MRPL1: variants seen among roughly 807,000 people sequenced by gnomAD.
MRPL1 encodes mitochondrial ribosomal protein L1.
Under a neutral mutation model 38.0 loss-of-function variants are expected in MRPL1, and 28 were observed. The ratio of observed to expected loss-of-function variants is 0.74; its 90% CI spans 0.55 to 1.01. The LOEUF is 1.01. Ranked by LOEUF, MRPL1 falls within the 50% of genes least tolerant of loss-of-function variation. The pLI is 0.00. For missense variants in MRPL1, 358 were observed against 389.8 expected, an observed-to-expected ratio of 0.92 and a Z score of 0.69; for synonymous variants, 123 against 126.7, an observed-to-expected ratio of 0.97 and a Z score of 0.20.
At chr4:77,901,140 A>G (rs944085539) in intron 6 of MRPL1, among the ~76,000 whole-genome samples, 8 of 152,172 alleles carry the variant, frequency 5.3e-5, no homozygotes, top group Non-Finnish European at 1.2e-4. Flanking sequence ...TCAAGGAGGT[A>G]GATAAGCTGG....
At position 77,894,685 on chromosome 4, in the gene MRPL1, T is replaced by G. The variant is rs75118565; in HGVS notation, c.670+435T>G. Among the ~76,000 whole-genome samples the G allele has an allele frequency of 1.2e-3, 187 of 152,180 alleles. 1 individual carries two copies. The East Asian group carries it at 0.031, about 25-fold the overall frequency. On this transcript the variant is annotated intron_variant, in intron 6 of 8. Coordinates refer to ENST00000315567, the MANE Select transcript of MRPL1 (RefSeq NM_020236.4). The stretch of plus-strand genomic sequence containing the variant: ...TTAAGAAATTTTCCCCTTATGGATA[T>G]TTTCTCCTTAAGAAATCTAATAAGA...
chr4:77,950,343 G>C (rs1263529944), intron 8 of MRPL1, among the ~76,000 whole-genome samples: 1 of 152,130 alleles, frequency 6.6e-6, no homozygotes, highest in Non-Finnish European at 1.5e-5. Context: ...TTATAAATGA[G>C]GTGACTCATA....
intron 1 of MRPL1, among the ~76,000 whole-genome samples, chr4:77,865,970 A>G (rs571256512): frequency 5.3e-5 from 8 of 152,310 alleles, no homozygotes; most frequent in African/African-American, 1.9e-4. Context: ...GCCACTATTT[A>G]TTGAGCACTT....
At chr4:77,940,510 C>T (rs1266223019) in intron 7 of MRPL1, among the ~76,000 whole-genome samples, 1 of 152,128 alleles carries the variant, frequency 6.6e-6, no homozygotes, top group Non-Finnish European at 1.5e-5. Context: ...ATTTGACTTC[C>T]TCTTTATTGA....
chr4:77,924,865 T>C (rs1445205961), intron 7 of MRPL1, among the ~76,000 whole-genome samples: 1 of 152,236 alleles, frequency 6.6e-6, no homozygotes, highest in Non-Finnish European at 1.5e-5. Flanking sequence ...TTGGTAGTTA[T>C]ATACCTAAGA....
intron 7 of MRPL1, among the ~76,000 whole-genome samples, chr4:77,945,716 G>A (rs6853446): frequency 0.075 from 11,439 of 152,010 alleles, 763 homozygotes; most frequent in African/African-American, 0.18. Context: ...GGACCGTGAT[G>A]CCCACCTGAG....
In MRPL1 at chr4:77,952,348, T is replaced by C. The variant is rs151250025; in HGVS notation, c.860-141T>C. On this transcript the variant is annotated intron_variant, in intron 8 of 8. Coordinates refer to ENST00000315567, the MANE Select transcript of MRPL1 (RefSeq NM_020236.4). ...TCTTATTAATTAGCCTACGGTACAA[T>C]TGGTTTCTTTATAAGTTGTTTTGCT... 1,378 of 672,298 alleles carry C rather than the reference T, an allele frequency of 2.0e-3. 25 individuals are homozygous for C. The East Asian group carries it at 0.033, about 16-fold the overall frequency. The allele number at this position is 672,298 out of a possible 1,614,324, so 41.6% of individuals were successfully genotyped here. A position where few individuals can be genotyped will look rare whatever the true frequency, so the allele number is the denominator to read the frequency against.
At chr4:77,913,937 C>T (rs1736355080) in intron 7 of MRPL1, among the ~76,000 whole-genome samples, 1 of 151,996 alleles carries the variant, frequency 6.6e-6, no homozygotes, top group Non-Finnish European at 1.5e-5. Flanking sequence ...AGAAAGCAGA[C>T]CAGTGGTTGC....
At chr4:77,941,021 T>G (rs1045018363) in intron 7 of MRPL1, among the ~76,000 whole-genome samples, 2 of 152,146 alleles carry the variant, frequency 1.3e-5, no homozygotes, top group African/African-American at 4.8e-5. Flanking sequence ...ATCCTAGCAC[T>G]TTGGGAGACT....
chr4:77,913,426 T>G (rs1406092780), intron 7 of MRPL1, among the ~76,000 whole-genome samples: 1 of 152,156 alleles, frequency 6.6e-6, no homozygotes, highest in African/African-American at 2.4e-5. Context: ...TTAGGAAATG[T>G]AAATGAAAAC....
chr4:77,925,330 G>T (rs1736689595), intron 7 of MRPL1, among the ~76,000 whole-genome samples: 1 of 150,868 alleles, frequency 6.6e-6, no homozygotes, highest in Non-Finnish European at 1.5e-5. Context: ...ATATAATTAA[G>T]TACTTTTTTT....
At chr4:77,889,013 C>G (rs1208325143) in intron 5 of MRPL1, among the ~76,000 whole-genome samples, 9 of 152,104 alleles carry the variant, frequency 5.9e-5, no homozygotes, top group Admixed American at 5.9e-4. Context: ...GAGACTTAGA[C>G]TCCCACACAA....
rs148293150 is a variant in MRPL1 at position 77,936,768 on chromosome 4, A to G, written c.778-13029A>G. On this transcript the variant is annotated intron_variant, in intron 7 of 8. Coordinates refer to ENST00000315567, the MANE Select transcript of MRPL1 (RefSeq NM_020236.4). Reference sequence around the variant, plus strand: ...AAATATTCTAATGAACATAAATTCAAGGCTCTCATACACACAGAATGCATT... The same window carrying G: ...AAATATTCTAATGAACATAAATTCAGGGCTCTCATACACACAGAATGCATT... 9.8e-5 allele frequency among the ~76,000 whole-genome samples: 15 copies of G among 152,314 alleles called. No individual in the cohort carries two copies. The East Asian group carries it at 2.5e-3, about 25-fold the overall frequency.
intron 6 of MRPL1, among the ~76,000 whole-genome samples, chr4:77,902,675 G>A (rs1415607117): frequency 2.0e-5 from 3 of 151,624 alleles, no homozygotes; most frequent in Non-Finnish European, 1.5e-5. Context: ...AGGAATGAAA[G>A]CGGTGACATG....
chr4:77,906,823 A>T (rs746769343), intron 6 of MRPL1: 57 of 254,388 alleles, frequency 2.2e-4, no homozygotes, highest in Non-Finnish European at 3.0e-4. Context: ...TAGCATCTTA[A>T]CTGTTTACTA....
At chr4:77,916,507 A>G (rs1024278150) in intron 7 of MRPL1, among the ~76,000 whole-genome samples, 3 of 152,192 alleles carry the variant, frequency 2.0e-5, no homozygotes, top group Admixed American at 2.0e-4. Flanking sequence ...TTGTTCTTCC[A>G]GAAATATTAA....
At chr4:77,948,464 AT>A (rs949065107) in intron 7 of MRPL1, among the ~76,000 whole-genome samples, 1 of 151,956 alleles carries the variant, frequency 6.6e-6, no homozygotes, top group Non-Finnish European at 1.5e-5. Flanking sequence ...CATTGCTTTT[AT>A]TTTTTTTCCT....
intron 2 of MRPL1, 47 bp from the exon 3 acceptor site, chr4:77,883,195 T>C: frequency 1.7e-6 from 2 of 1,195,356 alleles, no homozygotes; most frequent in Non-Finnish European, 2.2e-6. Flanking sequence ...TTAAAAAAAA[T>C]CTCTTAGGAT....
chr4:77,944,383 G>T (rs961588260), intron 7 of MRPL1, among the ~76,000 whole-genome samples: 11 of 152,320 alleles, frequency 7.2e-5, no homozygotes, highest in African/African-American at 2.6e-4. Context: ...CCTCTGCCTA[G>T]AAGATCCTCT....
Sources: gnomAD v4.1 joint callset for allele counts (sites outside exome capture counted in the v4.1 genomes callset) on GRCh38, gnomAD v4.1.1 for gene constraint, MANE v1.5 for transcripts, NCBI Gene and HGNC (gene_info 2026-07-23, HGNC 2026-07-21) for gene names.